Variants in CPXM2 observed in about 807,000 individuals in gnomAD.
CPXM2 encodes the protein carboxypeptidase X, M14 family member 2, also known as inactive carboxypeptidase-like protein X2.
CPXM2 carries 66 observed loss-of-function variants against 86.1 expected under a neutral mutation model. The ratio of observed to expected loss-of-function variants is 0.77; its 90% confidence interval spans 0.63 to 0.94. CPXM2 has a LOEUF of 0.94. Ranked by LOEUF, CPXM2 falls within the 40% of genes least tolerant of loss-of-function variation. CPXM2 has a pLI of 0.00. For missense variants in CPXM2, 948 were observed against 1,026.3 expected (o/e 0.92, Z 1.04); for synonymous variants, 388 against 400.2 (o/e 0.97, Z 0.36).
intron 4 of CPXM2, among the ~76,000 whole-genome samples, chr10:123,814,066 G>A (rs1268143829): frequency 6.6e-6 from 1 of 152,220 alleles, no homozygotes; most frequent in African/African-American, 2.4e-5. Flanking sequence ...TTGGATTTGA[G>A]ACTAAGTGGT....
intron 7 of CPXM2, among the ~76,000 whole-genome samples, chr10:123,779,237 T>C (rs911951721): frequency 1.3e-5 from 2 of 152,230 alleles, no homozygotes; most frequent in African/African-American, 4.8e-5. Context: ...CTCCTCCCCA[T>C]GCTTTCTAGC....
At chr10:123,798,251 A>AAC in intron 5 of CPXM2, 125 bp from the exon 6 acceptor site, 1 of 732,152 alleles carries the variant, frequency 1.4e-6, no homozygotes, top group East Asian at 3.3e-5. Flanking sequence ...GTGCATTGAA[A>AAC]AGAAAAAAAA....
chr10:123,751,930 G>T (rs568011819), intron 13 of CPXM2: 4 of 985,300 alleles, frequency 4.1e-6, no homozygotes, highest in Non-Finnish European at 4.8e-6. Flanking sequence ...TGATTGCAGG[G>T]GCTTGAAACT....
intron 2 of CPXM2, among the ~76,000 whole-genome samples, chr10:123,924,897 T>G (rs564969857): frequency 6.6e-6 from 1 of 152,134 alleles, no homozygotes; most frequent in East Asian, 1.9e-4. Flanking sequence ...TAGAACAAAA[T>G]ACCCCTATTA....
At chr10:123,799,529 G>A (rs1362782879) in intron 4 of CPXM2, among the ~76,000 whole-genome samples, 2 of 152,208 alleles carry the variant, frequency 1.3e-5, no homozygotes, top group Admixed American at 6.5e-5. Context: ...ATATACAAAT[G>A]TGTACGTAAC....
intron 2 of CPXM2, among the ~76,000 whole-genome samples, chr10:123,878,654 G>A (rs1453913689): frequency 6.6e-6 from 1 of 151,842 alleles, no homozygotes; most frequent in East Asian, 1.9e-4. Context: ...TTCTGCTGAA[G>A]CTACTCAAAA....
At position 123,880,221 on chromosome 10, in the gene CPXM2, A is replaced by G. The variant is rs747545640; in HGVS notation, c.393T>C (p.Asp131=). Residue 131 remains aspartate, a synonymous_variant, in exon 2 of 14, where the codon GAT becomes GAC. Transcript: ENST00000241305. ...DDHSVRVARE[D]VRESCPPLGL... ...GAGAGCCTCACTTACTCTCTCTGAC[A>G]TCTTCACGGGCCACACGGACACTGT... The G allele has an allele frequency of 2.0e-6, 3 of 1,532,814 alleles. No individual in the cohort carries two copies. 95.0% of individuals were successfully genotyped at this position (1,532,814 alleles called of 1,614,324 possible).
chr10:123,808,610 T>C (rs1424186685), intron 4 of CPXM2, among the ~76,000 whole-genome samples: 1 of 152,166 alleles, frequency 6.6e-6, no homozygotes, highest in Admixed American at 6.5e-5. Flanking sequence ...GAAGCACACA[T>C]GAATCCCCTC....
At position 123,891,680 on chromosome 10, in the gene CPXM2, A is replaced by AGGGCAG. The variant is rs1421783923; in HGVS notation, c.-27_-22dup. On this transcript the variant is annotated 5_prime_UTR_variant, in exon 1 of 14. Transcript: ENST00000241305. This position sits in a 1 kb window ranked among gnomAD's most constrained non-coding sequence, Gnocchi z 5.6. ...GACATGCCTGCTCCGCCCCGCGCCC[A>AGGGCAG]GGGCAGGGTCACGGTCACCGGGGGC... 7.4e-7 allele frequency: 1 copy of AGGGCAG among 1,352,694 alleles called. No homozygotes were observed. Among genetic ancestry groups the AGGGCAG allele is most frequent in the Middle Eastern group, 2.5e-4 (1 of 4,000 alleles). 83.8% of individuals were successfully genotyped at this position (1,352,694 alleles called of 1,614,324 possible). A position where few individuals can be genotyped will look rare whatever the true frequency, so the allele number is the denominator to read the frequency against.
intron 2 of CPXM2, among the ~76,000 whole-genome samples, chr10:123,903,151 T>A (rs967753043): frequency 6.6e-6 from 1 of 152,202 alleles, no homozygotes; most frequent in Non-Finnish European, 1.5e-5. Flanking sequence ...TTCCCAGCCC[T>A]CATGACCTTG....
rs58391549 is a variant in CPXM2 at position 123,865,491 on chromosome 10, G to A, written c.404-2768C>T. ...AGGACAGAGGCGGGACACAGGACAC[G>A]TGCAGGTGGAAAGGCACAGAGCTCC... On this transcript the variant is annotated intron_variant, in intron 2 of 13. Transcript: ENST00000241305. The surrounding 1 kb of genome is among the most constrained non-coding windows in gnomAD (Gnocchi z 4.7). 3.3e-5 allele frequency among the ~76,000 whole-genome samples: 5 copies of A among 152,160 alleles called. No homozygotes were observed. The highest frequency in any genetic ancestry group is 7.3e-5 in the Non-Finnish European group (5 of 68,034).
chr10:123,801,709 C>G (rs940598720), intron 4 of CPXM2, among the ~76,000 whole-genome samples: 3 of 152,114 alleles, frequency 2.0e-5, no homozygotes, highest in African/African-American at 7.2e-5. Context: ...TTAACAAAAT[C>G]CCCATCACGT....
intron 13 of CPXM2, among the ~76,000 whole-genome samples, chr10:123,748,597 A>G (rs1846013162): frequency 6.6e-6 from 1 of 152,102 alleles, no homozygotes; most frequent in South Asian, 2.1e-4. Context: ...ACAGGACTCC[A>G]TCTGAGAGGC....
intron 2 of CPXM2, among the ~76,000 whole-genome samples, chr10:123,873,752 G>A (rs1944931521): frequency 6.6e-6 from 1 of 152,086 alleles, no homozygotes; most frequent in Admixed American, 6.5e-5. Context: ...ACAGACAGGT[G>A]GCACTGCAAA....
upstream of CPXM2, among the ~76,000 whole-genome samples, chr10:123,892,367 GGAAA>G (rs1945290593): frequency 6.6e-6 from 1 of 152,142 alleles, no homozygotes. Flanking sequence ...TTGGGTCTTG[GGAAA>G]GACAGTGACG....
At chr10:123,831,190 C>G (rs1182668767) in intron 4 of CPXM2, among the ~76,000 whole-genome samples, 1 of 152,164 alleles carries the variant, frequency 6.6e-6, no homozygotes, top group African/African-American at 2.4e-5. Context: ...AATTTGGGTA[C>G]AGGGTGAAGC....
chr10:123,754,514 TGAAAAGTGG>T lies in CPXM2; in HGVS notation c.2017+140_2017+148del, dbSNP rs1465116602. 3.3e-6 allele frequency: 2 copies of T among 607,858 alleles called. No homozygotes were observed. The highest frequency in any genetic ancestry group is 3.7e-5 in the African/African-American group (2 of 54,214). The allele number at this position is 607,858 out of a possible 1,614,324, so 37.7% of individuals were successfully genotyped here. On this transcript the variant is annotated intron_variant, in intron 13 of 13. Coordinates refer to ENST00000241305, the MANE Select transcript of CPXM2 (RefSeq NM_198148.3). This position sits in a 1 kb window ranked among gnomAD's most constrained non-coding sequence, Gnocchi z 4.0. ...GAAAACCTCCCTTCCAAGGGTCTCT[TGAAAAGTGG>T]GAAATTTAGAGGAAGGAGACTGTAA... is the stretch of plus-strand genomic sequence containing the variant.
chr10:123,817,641 G>A (rs1047969359), intron 4 of CPXM2, among the ~76,000 whole-genome samples: 17 of 152,290 alleles, frequency 1.1e-4, no homozygotes, highest in African/African-American at 3.6e-4. Flanking sequence ...AAAGACACAA[G>A]TAAGTTACAT....
At chr10:123,757,765 G>A (rs534967450) in intron 11 of CPXM2, among the ~76,000 whole-genome samples, 18 of 152,228 alleles carry the variant, frequency 1.2e-4, no homozygotes, top group Admixed American at 1.2e-3. Context: ...ATAGCTCTAT[G>A]ACAGTCTTCT....
Sources: allele counts gnomAD v4.1 joint callset (sites outside exome capture counted in the v4.1 genomes callset), GRCh38; gene constraint gnomAD v4.1.1; non-coding constraint Gnocchi (gnomAD v3.1); transcripts MANE v1.5; gene names NCBI Gene and HGNC (gene_info 2026-07-23, HGNC 2026-07-21).